The following MCTP1 variants were observed in gnomAD, a reference collection of about 807,000 sequenced individuals.
MCTP1 encodes the protein multiple C2 and transmembrane domain-containing protein 1.
A neutral mutation model predicts 120.6 loss-of-function variants in MCTP1; 69 were observed. The ratio of observed to expected loss-of-function variants is 0.57; its 90% CI spans 0.47 to 0.70. The LOEUF is 0.70. MCTP1 is among the 30% of genes least tolerant of loss of function. The probability of loss-of-function intolerance (pLI) is 0.00; values close to 1 mark genes in which losing one functional copy is unlikely to be tolerated. For missense variants in MCTP1, 1,203 were observed against 1,248.8 expected (o/e 0.96, Z 0.55); for synonymous variants, 529 against 493.1 (o/e 1.07, Z -0.96).
At chr5:95,024,457 T>C (rs1838823132) in intron 1 of MCTP1, among the ~76,000 whole-genome samples, 1 of 152,116 alleles carries the variant, frequency 6.6e-6, no homozygotes, top group Non-Finnish European at 1.5e-5. Context: ...AAGGACTGTT[T>C]CTCAACACAG....
intron 2 of MCTP1, among the ~76,000 whole-genome samples, chr5:94,962,340 C>CA (rs2153559713): frequency 6.6e-6 from 1 of 152,008 alleles, no homozygotes; most frequent in African/African-American, 2.4e-5. Context: ...AACATACTTG[C>CA]ACATGCATGT....
Position 95,283,848 on chromosome 5 carries a change from GC to G in MCTP1, c.720+7del. The G allele has an allele frequency of 7.4e-7, 1 of 1,355,226 alleles. No individual in the cohort carries two copies. Among genetic ancestry groups the G allele is most frequent in the Non-Finnish European group, 9.4e-7 (1 of 1,061,430 alleles). 84.0% of individuals were successfully genotyped at this position (1,355,226 alleles called of 1,614,324 possible). A position where few individuals can be genotyped will look rare whatever the true frequency, so the allele number is the denominator to read the frequency against. On this transcript the variant is annotated splice_region_variant and intron_variant, in intron 1 of 22. Transcript: ENST00000515393. ...CACCTTGTCTCCGGCCGCGCCACCG[GC>G]ACTCACCTGGCTGCTGCCGTGCTCC...
chr5:94,971,366 T>A (rs1554161989), intron 2 of MCTP1, among the ~76,000 whole-genome samples: 3 of 150,998 alleles, frequency 2.0e-5, no homozygotes, highest in South Asian at 2.1e-4. Context: ...GAATGCAATT[T>A]AAAAAAAAAT....
At chr5:94,782,798 T>C (rs1776843739) in intron 18 of MCTP1, among the ~76,000 whole-genome samples, 1 of 152,094 alleles carries the variant, frequency 6.6e-6, no homozygotes, top group Non-Finnish European at 1.5e-5. Context: ...ATGAACAACA[T>C]ACACTATACA....
intron 1 of MCTP1, among the ~76,000 whole-genome samples, chr5:95,234,465 AC>A (rs1755314779): frequency 1.3e-5 from 2 of 152,108 alleles, no homozygotes; most frequent in Non-Finnish European, 1.5e-5. Context: ...ATCCTTCCTC[AC>A]CTATATAGTT....
intron 19 of MCTP1, among the ~76,000 whole-genome samples, chr5:94,735,702 A>T (rs929780992): frequency 2.0e-5 from 3 of 152,218 alleles, no homozygotes; most frequent in African/African-American, 4.8e-5. Flanking sequence ...AGTAATAGGA[A>T]GGTCATGAAT....
At chr5:95,044,283 A>C (rs577598343) in intron 1 of MCTP1, among the ~76,000 whole-genome samples, 2 of 152,364 alleles carry the variant, frequency 1.3e-5, no homozygotes, top group East Asian at 3.9e-4. Context: ...GCATTCTGCC[A>C]TGTGCTGCCA....
chr5:95,035,013 C>A (rs949401686), intron 1 of MCTP1, among the ~76,000 whole-genome samples: 2 of 152,036 alleles, frequency 1.3e-5, no homozygotes, highest in Non-Finnish European at 2.9e-5. Flanking sequence ...ATTAAAATCA[C>A]AATAAGATGC....
rs145302308 is a variant in MCTP1, at chr5:94,798,442, T to A, written c.2556+571A>T. On this transcript the variant is annotated intron_variant, in intron 18 of 22. Transcript: ENST00000515393. Reference sequence around the variant, plus strand: ...GAGGACAGGTAGATTTAGTATAACTTTCCCTAGGTTAAATGAAAGCTCCTC... The same window carrying A: ...GAGGACAGGTAGATTTAGTATAACTATCCCTAGGTTAAATGAAAGCTCCTC... Among the ~76,000 whole-genome samples the A allele has an allele frequency of 6.3e-3, 961 of 152,256 alleles. 12 individuals carry two copies. The highest frequency in any genetic ancestry group is 9.8e-3 in the Non-Finnish European group (668 of 67,992).
chr5:95,017,494 A>G lies in MCTP1; in HGVS notation c.721-10T>C. On this transcript the variant is annotated splice_polypyrimidine_tract_variant and intron_variant, in intron 1 of 22. Transcript: ENST00000515393. ...CAGTGTTTATTATTTTCTGGAAAAC[A>G]CGAAATATAAAAAATATTAAATTTA... is the stretch of plus-strand genomic sequence containing the variant. 1.1e-5 allele frequency: 17 copies of G among 1,540,774 alleles called. No individual in the cohort carries two copies. Among genetic ancestry groups the G allele is most frequent in the Non-Finnish European group, 1.5e-5 (17 of 1,127,126 alleles).
intron 1 of MCTP1, among the ~76,000 whole-genome samples, chr5:95,198,205 T>A (rs1460882350): frequency 6.6e-6 from 1 of 152,146 alleles, no homozygotes; most frequent in East Asian, 1.9e-4. Flanking sequence ...AGATTAGGAT[T>A]GAGGATAGCA....
chr5:95,149,031 A>G (rs1256000064), intron 1 of MCTP1, among the ~76,000 whole-genome samples: 1 of 152,212 alleles, frequency 6.6e-6, no homozygotes, highest in East Asian at 1.9e-4. Flanking sequence ...ATAGGCTCTC[A>G]CTGAGCTATG....
rs375382012 is a variant in MCTP1, at chr5:95,236,536, C to A, written c.720+47320G>T. 9.2e-5 allele frequency among the ~76,000 whole-genome samples: 14 copies of A among 152,240 alleles called. No individual in the cohort carries two copies. In the South Asian group the frequency reaches 2.9e-3, roughly 32 times the overall value. ...GACTGTCTAGTAGCCATATGCTTATCCCCAGGAGGTCAATTGTGATTGGTC... is the reference window on the plus strand; with the variant it reads ...GACTGTCTAGTAGCCATATGCTTATACCCAGGAGGTCAATTGTGATTGGTC... On this transcript the variant is annotated intron_variant, in intron 1 of 22. Transcript: ENST00000515393.
chr5:94,737,285 G>C (rs1176223936), intron 19 of MCTP1, among the ~76,000 whole-genome samples: 1 of 152,184 alleles, frequency 6.6e-6, no homozygotes, highest in Non-Finnish European at 1.5e-5. Context: ...GGGCCTCCTG[G>C]TGATAGCAGA....
At chr5:95,250,341 G>A (rs1415013396) in intron 1 of MCTP1, among the ~76,000 whole-genome samples, 1 of 152,076 alleles carries the variant, frequency 6.6e-6, no homozygotes, top group Non-Finnish European at 1.5e-5. Flanking sequence ...TGAATGTGAA[G>A]CTCATATTAT....
intron 1 of MCTP1, among the ~76,000 whole-genome samples, chr5:95,048,958 T>C (rs1472239747): frequency 6.6e-6 from 1 of 152,016 alleles, no homozygotes; most frequent in Non-Finnish European, 1.5e-5. Flanking sequence ...TGGAAAAGAG[T>C]CAAAAAGTTG....
At chr5:94,932,555 G>A (rs1352626322) in intron 5 of MCTP1, among the ~76,000 whole-genome samples, 1 of 151,982 alleles carries the variant, frequency 6.6e-6, no homozygotes, top group Non-Finnish European at 1.5e-5. Flanking sequence ...TAGTTAGCTT[G>A]TGTCATACTA....
intron 19 of MCTP1, among the ~76,000 whole-genome samples, chr5:94,720,596 T>G (rs1760678891): frequency 6.6e-6 from 1 of 152,126 alleles, no homozygotes; most frequent in Non-Finnish European, 1.5e-5. Context: ...AATGCCTATG[T>G]TGGGGAAAAA....
At position 95,257,796 on chromosome 5, in the gene MCTP1, T is replaced by TACACACACACACACAC. The variant is rs369408591; in HGVS notation, c.720+26044_720+26059dup. 1.3e-3 allele frequency among the ~76,000 whole-genome samples: 168 copies of TACACACACACACACAC among 125,404 alleles called. 1 individual carries two copies. The highest frequency in any genetic ancestry group is 4.3e-3 in the Middle Eastern group (1 of 234). 82.3% of individuals were successfully genotyped at this position (125,404 alleles called of 152,430 possible). A position where few individuals can be genotyped will look rare whatever the true frequency, so the allele number is the denominator to read the frequency against. On this transcript the variant is annotated intron_variant, in intron 1 of 22. Coordinates refer to ENST00000515393, the MANE Select transcript of MCTP1 (RefSeq NM_024717.7). Reference sequence around the variant, plus strand: ...AAGGAAGGAAGTGCTCCAGAAAACATACACACACACACACACACACACACA... The same window carrying TACACACACACACACAC: ...AAGGAAGGAAGTGCTCCAGAAAACATACACACACACACACACACACACACACACACACACACACACA...
Sources: allele counts gnomAD v4.1 joint callset (sites outside exome capture counted in the v4.1 genomes callset), GRCh38; gene constraint gnomAD v4.1.1; transcripts MANE v1.5; gene names NCBI Gene and HGNC (gene_info 2026-07-23, HGNC 2026-07-21).